The following NTM variants were observed in gnomAD, a reference collection of about 807,000 sequenced individuals.
NTM encodes the protein IgLON family member 2.
Under a neutral mutation model 42.1 loss-of-function variants are expected in NTM, and 13 were observed. The ratio of observed to expected loss-of-function variants is 0.31; its 90% CI spans 0.20 to 0.49. The LOEUF is 0.49. Among genes scored for constraint, NTM ranks in the 20% least tolerant of loss-of-function variants. NTM has a pLI of 0.99. For missense variants in NTM, 373 were observed against 452.8 expected, an observed-to-expected ratio of 0.82 and a Z score of 1.60; for synonymous variants, 187 against 179.2, an observed-to-expected ratio of 1.04 and a Z score of -0.35.
chr11:132,275,016 A>T (rs144261866), intron 4 of NTM, among the ~76,000 whole-genome samples: 44 of 152,260 alleles, frequency 2.9e-4, no homozygotes, highest in Non-Finnish European at 4.6e-4. Flanking sequence ...TTGGATTGCA[A>T]ACATTTCATT....
intron 2 of NTM, among the ~76,000 whole-genome samples, chr11:131,940,029 C>G (rs556500100): frequency 3.9e-5 from 6 of 152,220 alleles, no homozygotes; most frequent in Non-Finnish European, 7.3e-5. Flanking sequence ...GAGGTTCAAG[C>G]TGAACCCAGA....
intron 1 of NTM, among the ~76,000 whole-genome samples, chr11:131,505,349 G>A (rs1217502510): frequency 6.6e-6 from 1 of 152,106 alleles, no homozygotes; most frequent in East Asian, 1.9e-4. Flanking sequence ...TTTAATTTTT[G>A]TAAGACTTAA....
intron 1 of NTM, among the ~76,000 whole-genome samples, chr11:131,814,257 T>C (rs909796528): frequency 2.0e-5 from 3 of 152,298 alleles, no homozygotes; most frequent in African/African-American, 7.2e-5. Flanking sequence ...TTCCCTGGTG[T>C]TTCCCTTTCT....
In NTM at chr11:132,249,456, GACA is replaced by G. The variant is rs376907249; in HGVS notation, c.526+37313_526+37315del. 1.5e-3 allele frequency among the ~76,000 whole-genome samples: 236 copies of G among 152,308 alleles called. 1 individual carries two copies. Among genetic ancestry groups the G allele is most frequent in the African/African-American group, 5.6e-3 (231 of 41,578 alleles). On this transcript the variant is annotated intron_variant, in intron 4 of 8. Transcript: ENST00000683400. The stretch of plus-strand genomic sequence containing the variant: ...GGAGGCCACCCACCTGCAGGAGATG[GACA>G]ACATTTTAATCCTGGCTACGTGGGT...
chr11:132,199,078 A>G (rs1861262460), intron 3 of NTM, among the ~76,000 whole-genome samples: 1 of 152,230 alleles, frequency 6.6e-6, no homozygotes, highest in Non-Finnish European at 1.5e-5. Context: ...GAACAGTCAC[A>G]GTCTAGGGTG....
intron 3 of NTM, among the ~76,000 whole-genome samples, chr11:132,181,733 T>C (rs2077602389): frequency 6.6e-6 from 1 of 152,198 alleles, no homozygotes. Context: ...TGGCATTTGA[T>C]GCCTCTTCTG....
intron 1 of NTM, among the ~76,000 whole-genome samples, chr11:131,373,655 G>T (rs1007329058): frequency 2.0e-5 from 3 of 151,964 alleles, no homozygotes; most frequent in Non-Finnish European, 4.4e-5. Flanking sequence ...AACACCCACC[G>T]CCCACCTTCT....
At chr11:132,052,104 A>G (rs763621315) in intron 2 of NTM, among the ~76,000 whole-genome samples, 5 of 152,232 alleles carry the variant, frequency 3.3e-5, no homozygotes, top group Non-Finnish European at 7.3e-5. Context: ...TTATTAAAGG[A>G]AAGTAAAAAT....
chr11:132,231,877 T>A (rs11827836), intron 4 of NTM, among the ~76,000 whole-genome samples: 1 of 150,502 alleles, frequency 6.6e-6, no homozygotes, highest in Non-Finnish European at 1.5e-5. Context: ...ACATCAGCTC[T>A]GACGCTGTTT....
At chr11:131,426,775 G>A (rs1200353076) in intron 1 of NTM, among the ~76,000 whole-genome samples, 1 of 152,084 alleles carries the variant, frequency 6.6e-6, no homozygotes, top group African/African-American at 2.4e-5. Context: ...GCTTTCTTGG[G>A]GCACGAAAGC....
At chr11:131,869,730 C>T (rs1432545190) in intron 1 of NTM, among the ~76,000 whole-genome samples, 1 of 152,124 alleles carries the variant, frequency 6.6e-6, no homozygotes, top group Non-Finnish European at 1.5e-5. Context: ...CTGTCCCATG[C>T]TTTCTTCCTT....
chr11:131,389,049 G>GAAAAGAAAAA, intron 1 of NTM, among the ~76,000 whole-genome samples: 1 of 134,672 alleles, frequency 7.4e-6, no homozygotes, highest in African/African-American at 2.8e-5. Context: ...GAAAAGAAAA[G>GAAAAGAAAAA]GAAAAAGAAA....
chr11:131,512,565 C>CT (rs1170283073), intron 1 of NTM, among the ~76,000 whole-genome samples: 2 of 152,242 alleles, frequency 1.3e-5, no homozygotes, highest in Non-Finnish European at 2.9e-5. Context: ...GCTCCTCCCT[C>CT]TCTACTGCCC....
chr11:131,808,479 C>A (rs2092607138), intron 1 of NTM, among the ~76,000 whole-genome samples: 1 of 152,192 alleles, frequency 6.6e-6, no homozygotes, highest in Non-Finnish European at 1.5e-5. Flanking sequence ...GTAACTAAGA[C>A]ATAGTCTCTG....
intron 1 of NTM, among the ~76,000 whole-genome samples, chr11:131,667,845 C>T (rs1331353567): frequency 6.6e-6 from 1 of 152,200 alleles, no homozygotes; most frequent in African/African-American, 2.4e-5. Flanking sequence ...CCGCAGGTGT[C>T]TCCTCTGTGC....
At chr11:132,277,692 T>C (rs757989044) in intron 4 of NTM, among the ~76,000 whole-genome samples, 12 of 152,186 alleles carry the variant, frequency 7.9e-5, no homozygotes, top group Non-Finnish European at 1.5e-4. Context: ...ATTTTTGAAA[T>C]ATGTCTAGGG....
intron 1 of NTM, among the ~76,000 whole-genome samples, chr11:131,570,134 T>G (rs1377207527): frequency 6.6e-6 from 1 of 152,246 alleles, no homozygotes; most frequent in African/African-American, 2.4e-5. Context: ...TCTAAGTCTG[T>G]GCTCCCATAA....
intron 3 of NTM, among the ~76,000 whole-genome samples, chr11:132,205,052 A>G (rs2081765673): frequency 1.3e-5 from 2 of 152,182 alleles, no homozygotes; most frequent in African/African-American, 4.8e-5. Flanking sequence ...TGTCCCATTA[A>G]TTCTGTAAAG....
chr11:132,130,884 C>T (rs1440924614), intron 2 of NTM, among the ~76,000 whole-genome samples: 10 of 152,138 alleles, frequency 6.6e-5, no homozygotes, highest in South Asian at 2.1e-4. Context: ...AAAAGGAAAC[C>T]GAGGCCCAGG....
Sources: gnomAD v4.1 joint callset for allele counts (sites outside exome capture counted in the v4.1 genomes callset) on GRCh38, gnomAD v4.1.1 for gene constraint, MANE v1.5 for transcripts, NCBI Gene and HGNC (gene_info 2026-07-23, HGNC 2026-07-21) for gene names.